Variants in XRCC4 observed in about 807,000 individuals in gnomAD.
XRCC4 encodes X-ray repair cross complementing 4.
Under a neutral mutation model 39.1 loss-of-function variants are expected in XRCC4, and 28 were observed. The ratio of observed to expected loss-of-function variants is 0.72; its 90% CI spans 0.53 to 0.98. XRCC4 has a LOEUF of 0.98. Among genes scored for constraint, XRCC4 ranks in the 50% least tolerant of loss-of-function variants. XRCC4 has a pLI of 0.00. For missense variants in XRCC4, 350 were observed against 376.4 expected, an observed-to-expected ratio of 0.93 and a Z score of 0.58; for synonymous variants, 123 against 126.4, an observed-to-expected ratio of 0.97 and a Z score of 0.18.
At chr5:83,115,862 A>G (rs1746684374) in intron 3 of XRCC4, among the ~76,000 whole-genome samples, 3 of 152,200 alleles carry the variant, frequency 2.0e-5, no homozygotes, top group Non-Finnish European at 2.9e-5. Context: ...TGTTTATGAG[A>G]AAGAAAAGAA....
intron 1 of XRCC4, among the ~76,000 whole-genome samples, chr5:83,093,044 AG>A (rs1451014478): frequency 1.5e-5 from 2 of 130,928 alleles, no homozygotes; most frequent in Admixed American, 7.4e-5. Context: ...CACACACACA[AG>A]ACCTAACTAC....
intron 2 of XRCC4, among the ~76,000 whole-genome samples, chr5:83,105,544 C>T (rs564430669): frequency 7.9e-4 from 121 of 152,234 alleles, no homozygotes; most frequent in Non-Finnish European, 1.5e-3. Flanking sequence ...GCAAGGTTCA[C>T]ACCCACATTT....
chr5:83,322,896 G>A (rs1221475816), intron 7 of XRCC4, among the ~76,000 whole-genome samples: 1 of 152,190 alleles, frequency 6.6e-6, no homozygotes, highest in Admixed American at 6.6e-5. Context: ...GAGAATAAAT[G>A]TGTGTTGTTT....
intron 7 of XRCC4, among the ~76,000 whole-genome samples, chr5:83,338,330 AG>A (rs1352779850): frequency 6.6e-6 from 1 of 152,218 alleles, no homozygotes; most frequent in Non-Finnish European, 1.5e-5. Context: ...CAGATGATTG[AG>A]GCTGAGATAT....
chr5:83,283,353 A>T (rs141170713), intron 7 of XRCC4, among the ~76,000 whole-genome samples: 113 of 152,274 alleles, frequency 7.4e-4, no homozygotes, highest in African/African-American at 2.6e-3. Context: ...CACCTAATTT[A>T]TAAAATGTAT....
At chr5:83,082,221 C>T (rs1744976275) in intron 1 of XRCC4, among the ~76,000 whole-genome samples, 1 of 152,008 alleles carries the variant, frequency 6.6e-6, no homozygotes, top group East Asian at 1.9e-4. Context: ...CATATGTCAG[C>T]CAGAGTGATA....
chr5:83,158,410 A>G (rs1467131073), intron 3 of XRCC4, among the ~76,000 whole-genome samples: 1 of 152,156 alleles, frequency 6.6e-6, no homozygotes, highest in African/African-American at 2.4e-5. Flanking sequence ...TTCCAAGACC[A>G]ATATAAAATC....
chr5:83,309,288 AAAAAAAAAATAT>A (rs1755607741), intron 7 of XRCC4, among the ~76,000 whole-genome samples: 1 of 111,950 alleles, frequency 8.9e-6, no homozygotes, highest in Non-Finnish European at 1.6e-5. Context: ...AAAAAAAAAA[AAAAAAAAAATAT>A]ATATATATAT....
chr5:83,365,390 G>A, the XRCC4 span, among the ~76,000 whole-genome samples: 1 of 152,114 alleles, frequency 6.6e-6, no homozygotes, highest in Non-Finnish European at 1.5e-5. Flanking sequence ...AAAATAAAGG[G>A]AAATAGCAAG....
chr5:83,253,713 TA>T (rs1753417456), intron 6 of XRCC4, among the ~76,000 whole-genome samples: 2 of 152,294 alleles, frequency 1.3e-5, no homozygotes, highest in South Asian at 2.1e-4. Flanking sequence ...AAATGATTTA[TA>T]AAAATAATGA....
At chr5:83,217,272 G>A (rs1751896614) in intron 6 of XRCC4, among the ~76,000 whole-genome samples, 1 of 148,512 alleles carries the variant, frequency 6.7e-6, no homozygotes, top group South Asian at 2.1e-4. Context: ...CAGGAGAATT[G>A]CTCAAACCTG....
chr5:83,200,080 T>A (rs1751119734), intron 4 of XRCC4, among the ~76,000 whole-genome samples: 1 of 152,140 alleles, frequency 6.6e-6, no homozygotes, highest in South Asian at 2.1e-4. Context: ...TCTTGAGGCA[T>A]AAGCTTGACA....
intron 1 of XRCC4, among the ~76,000 whole-genome samples, chr5:83,092,655 G>T (rs1030282179): frequency 2.6e-5 from 4 of 152,012 alleles, no homozygotes; most frequent in African/African-American, 9.7e-5. Flanking sequence ...AGATGGCTGG[G>T]TAAAGGTGTT....
At chr5:83,293,603 C>T (rs1283802017) in intron 7 of XRCC4, among the ~76,000 whole-genome samples, 2 of 151,938 alleles carry the variant, frequency 1.3e-5, no homozygotes, top group East Asian at 1.9e-4. Context: ...GGCTGCTAAG[C>T]ACATCCTCTA....
chr5:83,186,318 C>A (rs960938740), intron 3 of XRCC4, among the ~76,000 whole-genome samples: 8 of 152,134 alleles, frequency 5.3e-5, no homozygotes, highest in Non-Finnish European at 1.0e-4. Context: ...GAAGGATCTG[C>A]AAAGACCCTC....
At chr5:83,351,884 A>G (rs958725174) in intron 7 of XRCC4, among the ~76,000 whole-genome samples, 1 of 152,136 alleles carries the variant, frequency 6.6e-6, no homozygotes, top group Non-Finnish European at 1.5e-5. Flanking sequence ...TCATCACCTA[A>G]ACACACTTGA....
chr5:83,157,371 C>G (rs2112572512), intron 3 of XRCC4, among the ~76,000 whole-genome samples: 1 of 152,138 alleles, frequency 6.6e-6, no homozygotes, highest in East Asian at 1.9e-4. Context: ...TCCAGAGTAA[C>G]TGTTACTCTG....
chr5:83,215,099 G>T (rs1396527844), intron 6 of XRCC4, among the ~76,000 whole-genome samples: 2 of 152,060 alleles, frequency 1.3e-5, no homozygotes, highest in Admixed American at 1.3e-4. Flanking sequence ...ACTTTGGGAA[G>T]CTGATGCGGG....
the XRCC4 span, among the ~76,000 whole-genome samples, chr5:83,367,838 C>A: frequency 4.0e-5 from 6 of 151,730 alleles, no homozygotes; most frequent in Non-Finnish European, 5.9e-5. Context: ...AGTGATCCAC[C>A]CACCTCGGCC....
Sources: allele counts gnomAD v4.1 joint callset (sites outside exome capture counted in the v4.1 genomes callset), GRCh38; gene constraint gnomAD v4.1.1; transcripts MANE v1.5; gene names NCBI Gene and HGNC (gene_info 2026-07-23, HGNC 2026-07-21).